BMP7: variants seen among roughly 807,000 people sequenced by gnomAD.
BMP7 encodes the protein osteogenic protein 1.
BMP7 carries 12 observed loss-of-function variants against 41.2 expected under a neutral mutation model. The ratio of observed to expected loss-of-function variants is 0.29; its 90% CI spans 0.19 to 0.47. The LOEUF (loss-of-function observed/expected upper bound fraction) is 0.47, where lower values mean the gene tolerates loss of function less well. Ranked by LOEUF, BMP7 falls within the 20% of genes least tolerant of loss-of-function variation. The probability of loss-of-function intolerance (pLI) is 0.99; values close to 1 mark genes in which losing one functional copy is unlikely to be tolerated. For synonymous variants in BMP7, 248 were observed against 250.0 expected (o/e 0.99, Z 0.07); for missense variants, 467 against 606.0 (o/e 0.77, Z 2.41).
At chr20:57,189,042 T>A (rs1984288631) in intron 3 of BMP7, among the ~76,000 whole-genome samples, 1 of 152,002 alleles carries the variant, frequency 6.6e-6, no homozygotes, top group African/African-American at 2.4e-5. Context: ...CAGAAGGGGG[T>A]GGGACCTACA....
rs560524610 is a variant in BMP7 at position 57,235,531 on chromosome 20, C to T, written c.419-7110G>A. Among the ~76,000 whole-genome samples, 4 of 152,244 alleles carry T rather than the reference C, an allele frequency of 2.6e-5. No individual in the cohort carries two copies. The East Asian group carries it at 7.7e-4, about 29-fold the overall frequency. ...CATTTTTGTTGACTTTGGCAAATCCCAGTGCCTGCGTTCAGGTACGAGGCA... is the reference window on the plus strand; with the variant it reads ...CATTTTTGTTGACTTTGGCAAATCCTAGTGCCTGCGTTCAGGTACGAGGCA... On this transcript the variant is annotated intron_variant, in intron 1 of 6. Transcript: ENST00000395863.
At position 57,264,151 on chromosome 20, in the gene BMP7, G is replaced by A. The variant is rs542882186; in HGVS notation, c.418+1554C>T. Among the ~76,000 whole-genome samples, 6 of 152,308 alleles carry A rather than the reference G, an allele frequency of 3.9e-5. No homozygotes were observed. The East Asian group carries it at 1.2e-3, about 29-fold the overall frequency. ...TTGCTCGCTGAAGCTTGGTTCACTA[G>A]TTGGATTTAGTTATTATTAAGTACA... On this transcript the variant is annotated intron_variant, in intron 1 of 6. Transcript: ENST00000395863.
chr20:57,265,205 C>A (rs987607153), intron 1 of BMP7, among the ~76,000 whole-genome samples: 3 of 152,224 alleles, frequency 2.0e-5, no homozygotes, highest in Non-Finnish European at 4.4e-5. Context: ...GCGCGCGGTA[C>A]GCTAAGGCGG....
rs529951946 is a variant in BMP7 at position 57,199,220 on chromosome 20, G to A, written c.760+3255C>T. Among the ~76,000 whole-genome samples the A allele has an allele frequency of 5.9e-5, 9 of 152,272 alleles. No homozygotes were observed. The East Asian group carries it at 9.7e-4, about 16-fold the overall frequency. Reference sequence around the variant, plus strand: ...CCCACAGGCCCTGCTGCCCTTCCCCGTGCAGGATCTGGCAGGGGAGGGTTG... The same window carrying A: ...CCCACAGGCCCTGCTGCCCTTCCCCATGCAGGATCTGGCAGGGGAGGGTTG... On this transcript the variant is annotated intron_variant, in intron 3 of 6. Coordinates refer to ENST00000395863, the MANE Select transcript of BMP7 (RefSeq NM_001719.3).
chr20:57,222,677 C>A (rs1294456139), intron 2 of BMP7, among the ~76,000 whole-genome samples: 1 of 152,130 alleles, frequency 6.6e-6, no homozygotes, highest in Admixed American at 6.5e-5. Flanking sequence ...ATCCTCCTTG[C>A]CCTCTGAAAA....
rs998593695 is a variant in BMP7 at position 57,174,015 on chromosome 20, G to T, written c.1036-705C>A. Among the ~76,000 whole-genome samples, 1 of 152,154 alleles carries T rather than the reference G, an allele frequency of 6.6e-6. No homozygotes were observed. ...AAGCACATGGAATCTTCCAGCAGAG[G>T]CCCCTGGAGTTTGGGTTCTGTCCCA... On this transcript the variant is annotated intron_variant, in intron 5 of 6. Transcript: ENST00000395863. The surrounding 1 kb of genome is among the most constrained non-coding windows in gnomAD (Gnocchi z 4.3).
At chr20:57,193,091 T>C (rs1467641152) in intron 3 of BMP7, among the ~76,000 whole-genome samples, 3 of 152,180 alleles carry the variant, frequency 2.0e-5, no homozygotes, top group Admixed American at 1.3e-4. Context: ...GTGGTGTGTT[T>C]TGTTGCTTTT....
rs755997469 is a variant in BMP7, at chr20:57,183,848, C to T, written c.832G>A (p.Val278Met). 6.2e-7 allele frequency: 1 copy of T among 1,614,168 alleles called. No individual in the cohort carries two copies. The highest frequency in any genetic ancestry group is 8.5e-7 in the Non-Finnish European group (1 of 1,180,038). ...HGPQNKQPFM[V>M]AFFKATEVHF... is the part of the protein sequence containing the mutation. ...ACCTCCGTGGCCTTGAAGAAAGCCACCATGAAGGGCTGCTTGTTCTGGGGC... is the reference window on the plus strand; with the variant it reads ...ACCTCCGTGGCCTTGAAGAAAGCCATCATGAAGGGCTGCTTGTTCTGGGGC... Residue 278 changes from valine (V) to methionine (M), a missense_variant, in exon 4 of 7, where the codon GTG (valine) becomes ATG (methionine). Around this residue, in one of 2 missense-constraint regions of BMP7, gnomAD observed 407 missense variants for 485.9 expected, o/e 0.84. Coordinates refer to ENST00000395863, the MANE Select transcript of BMP7 (RefSeq NM_001719.3).
At chr20:57,229,221 A>C (rs746089891) in intron 1 of BMP7, among the ~76,000 whole-genome samples, 2 of 151,636 alleles carry the variant, frequency 1.3e-5, no homozygotes, top group Non-Finnish European at 2.9e-5. Flanking sequence ...AGCTACTCCG[A>C]CCCCCTCCTG....
At chr20:57,179,702 G>C (rs1984030738) in intron 4 of BMP7, among the ~76,000 whole-genome samples, 1 of 152,268 alleles carries the variant, frequency 6.6e-6, no homozygotes, top group Non-Finnish European at 1.5e-5. Context: ...AGGCACACAG[G>C]CGTACACACT....
rs2146036407 is a variant in BMP7, at chr20:57,266,328, C to T, written c.-206G>A. 3.0e-6 allele frequency: 1 copy of T among 331,600 alleles called. No homozygotes were observed. The highest frequency in any genetic ancestry group is 5.1e-5 in the Admixed American group (1 of 19,442). The allele number at this position is 331,600 out of a possible 1,614,324, so 20.5% of individuals were successfully genotyped here. On this transcript the variant is annotated 5_prime_UTR_variant, in exon 1 of 7. Coordinates refer to ENST00000395863, the MANE Select transcript of BMP7 (RefSeq NM_001719.3). ...CTCGGTGCTGGCCCCGGGCCCCTCG[C>T]CCCGCACTCGCCCGGGCGCACCGCA...
At chr20:57,234,387 T>A (rs2123123083) in intron 1 of BMP7, among the ~76,000 whole-genome samples, 1 of 152,314 alleles carries the variant, frequency 6.6e-6, no homozygotes, top group South Asian at 2.1e-4. Flanking sequence ...GAAAGAAGCT[T>A]CCAAGCACGG....
intron 1 of BMP7, among the ~76,000 whole-genome samples, chr20:57,242,831 C>T (rs949648132): frequency 2.6e-5 from 4 of 151,464 alleles, no homozygotes; most frequent in Non-Finnish European, 4.4e-5. Context: ...GCTGAAACAT[C>T]GTCTCTACTA....
At chr20:57,254,289 C>T (rs2066125677) in intron 1 of BMP7, among the ~76,000 whole-genome samples, 2 of 152,080 alleles carry the variant, frequency 1.3e-5, no homozygotes, top group African/African-American at 4.8e-5. Flanking sequence ...TCCCAAAGTG[C>T]TGGGATTACA....
At chr20:57,219,025 T>C (rs1292119604) in intron 2 of BMP7, among the ~76,000 whole-genome samples, 2 of 151,478 alleles carry the variant, frequency 1.3e-5, no homozygotes, top group African/African-American at 4.9e-5. Context: ...TGGTGTTTGT[T>C]TGGTGGTAGC....
rs1183035794 is a variant in BMP7 at position 57,170,149 on chromosome 20, C to G, written c.*810G>C. 1 of 152,888 alleles carries G rather than the reference C, an allele frequency of 6.5e-6. No homozygotes were observed. The highest frequency in any genetic ancestry group is 1.5e-5 in the Non-Finnish European group (1 of 68,570). The allele number at this position is 152,888 out of a possible 1,614,324, so 9.5% of individuals were successfully genotyped here. A position where few individuals can be genotyped will look rare whatever the true frequency, so the allele number is the denominator to read the frequency against. Reference sequence around the variant, plus strand: ...GCAATTTCACATGGATTTACTACCACTGGGGCGAGGTGAAAAGCCAATCCC... The same window carrying G: ...GCAATTTCACATGGATTTACTACCAGTGGGGCGAGGTGAAAAGCCAATCCC... On this transcript the variant is annotated 3_prime_UTR_variant, in exon 7 of 7. Transcript: ENST00000395863.
At position 57,215,060 on chromosome 20, in the gene BMP7, TGG is replaced by T. The variant is rs1984980411; in HGVS notation, c.612-12439_612-12438del. The T allele has an allele frequency of 1.3e-5, 2 of 152,278 alleles. No homozygotes were observed. Among genetic ancestry groups the T allele is most frequent in the Admixed American group, 6.5e-5 (1 of 15,302 alleles). The allele number at this position is 152,278 out of a possible 1,614,324, so 9.4% of individuals were successfully genotyped here. On this transcript the variant is annotated intron_variant, in intron 2 of 6. Transcript: ENST00000395863. The surrounding 1 kb of genome is among the most constrained non-coding windows in gnomAD (Gnocchi z 4.2). ...GAAATGGCTCTGACTCACAGTTCACTGGGGCCTTAGCCCACCCAGCCCACTCT... is the reference window on the plus strand; with the variant it reads ...GAAATGGCTCTGACTCACAGTTCACTGGCCTTAGCCCACCCAGCCCACTCT...
chr20:57,200,640 T>C (rs948002071), intron 3 of BMP7, among the ~76,000 whole-genome samples: 2 of 152,044 alleles, frequency 1.3e-5, no homozygotes, highest in Non-Finnish European at 2.9e-5. Context: ...TTACTAAAAA[T>C]AGAAAAATTA....
intron 2 of BMP7, among the ~76,000 whole-genome samples, chr20:57,211,256 G>A (rs1413692239): frequency 3.3e-5 from 5 of 152,244 alleles, no homozygotes; most frequent in Non-Finnish European, 7.3e-5. Context: ...ACATGGGGAT[G>A]GGGATTGTAC....
Sources: gnomAD v4.1 joint callset for allele counts (sites outside exome capture counted in the v4.1 genomes callset) on GRCh38, gnomAD v4.1.1 for gene constraint, gnomAD v4.1.1 regional missense constraint, Gnocchi (gnomAD v3.1) non-coding constraint, MANE v1.5 for transcripts, NCBI Gene and HGNC (gene_info 2026-07-23, HGNC 2026-07-21) for gene names.